CAMSAP1: variants seen among roughly 807,000 people sequenced by gnomAD.
CAMSAP1 encodes the protein calmodulin-regulated spectrin-associated protein 1.
CAMSAP1 carries 58 observed loss-of-function variants against 143.5 expected under a neutral mutation model. The observed-to-expected ratio is 0.40, with a 90% CI of 0.33 to 0.50. The LOEUF is 0.50. Among genes scored for constraint, CAMSAP1 ranks in the 20% least tolerant of loss-of-function variants. CAMSAP1 has a pLI of 0.45. For missense variants in CAMSAP1, 1,969 were observed against 2,115.7 expected (o/e 0.93, Z 1.36); for synonymous variants, 945 against 859.3 (o/e 1.10, Z -1.74).
In CAMSAP1 at chr9:135,882,232, C is replaced by T. The variant is rs1260767121; in HGVS notation, c.424-438G>A. On this transcript the variant is annotated intron_variant, in intron 2 of 16. Transcript: ENST00000389532. This position sits in a 1 kb window ranked among gnomAD's most constrained non-coding sequence, Gnocchi z 4.9. ...AGCTCTACCTGCTACAGCTGCACCACGCCTTAGTGCAGCTTCCTCATTCGA... is the reference window on the plus strand; with the variant it reads ...AGCTCTACCTGCTACAGCTGCACCATGCCTTAGTGCAGCTTCCTCATTCGA... 2.0e-5 allele frequency among the ~76,000 whole-genome samples: 3 copies of T among 152,144 alleles called. No homozygotes were observed. The highest frequency in any genetic ancestry group is 2.4e-5 in the African/African-American group (1 of 41,428).
At chr9:135,893,587 G>A (rs563718366) in intron 1 of CAMSAP1, among the ~76,000 whole-genome samples, 3 of 152,318 alleles carry the variant, frequency 2.0e-5, no homozygotes, top group Admixed American at 1.3e-4. Context: ...CTGTGCCACT[G>A]ACATGTAATT....
At chr9:135,865,686 T>A (rs944391659) in intron 4 of CAMSAP1, among the ~76,000 whole-genome samples, 1 of 152,166 alleles carries the variant, frequency 6.6e-6, no homozygotes, top group Non-Finnish European at 1.5e-5. Flanking sequence ...TGTACCCATG[T>A]GTTAAACATG....
rs993129594 is a variant in CAMSAP1 at position 135,880,048 on chromosome 9, T to G, written c.585+1585A>C. 1.0e-3 allele frequency among the ~76,000 whole-genome samples: 156 copies of G among 152,276 alleles called. 1 individual carries two copies. The highest frequency in any genetic ancestry group is 3.7e-3 in the African/African-American group (153 of 41,544). On this transcript the variant is annotated intron_variant, in intron 3 of 16. Coordinates refer to ENST00000389532, the MANE Select transcript of CAMSAP1 (RefSeq NM_015447.4). The stretch of plus-strand genomic sequence containing the variant: ...ATAGGTGATAAGATTACGGGTAATT[T>G]ACATTTTATTCTTTTTGTTCATCCA...
At chr9:135,857,102 C>T (rs141068110) in intron 5 of CAMSAP1, among the ~76,000 whole-genome samples, 1 of 152,338 alleles carries the variant, frequency 6.6e-6, no homozygotes, top group African/African-American at 2.4e-5. Context: ...CCAGGGGTTC[C>T]GGAGCTCATC....
chr9:135,888,985 C>T (rs73561606), intron 1 of CAMSAP1, among the ~76,000 whole-genome samples: 1 of 152,206 alleles, frequency 6.6e-6, no homozygotes, highest in Non-Finnish European at 1.5e-5. Context: ...TGGCTTCCAG[C>T]CAGAAGGCCA....
chr9:135,868,609 A>ATTTTTTTTTTTT (rs767495608), intron 3 of CAMSAP1, among the ~76,000 whole-genome samples: 10 of 93,476 alleles, frequency 1.1e-4, no homozygotes, highest in African/African-American at 1.4e-4. Context: ...GAGATTGGCA[A>ATTTTTTTTTTTT]TTTTTTTTTT....
At position 135,826,424 on chromosome 9, in the gene CAMSAP1, C is replaced by T. The variant is rs201848411; in HGVS notation, c.1223+983G>A. ...CCGCCCAACACAGAACACATCCAAA[C>T]CCCTCCCTCAGCTATGCCCCACCCC... On this transcript the variant is annotated intron_variant, in intron 8 of 16. Transcript: ENST00000389532. This position sits in a 1 kb window ranked among gnomAD's most constrained non-coding sequence, Gnocchi z 4.4. The T allele has an allele frequency of 2.3e-4, 35 of 152,426 alleles. 1 individual carries two copies. The East Asian group carries it at 6.6e-3, about 29-fold the overall frequency. 9.4% of individuals were successfully genotyped at this position (152,426 alleles called of 1,614,324 possible). A position where few individuals can be genotyped will look rare whatever the true frequency, so the allele number is the denominator to read the frequency against.
In CAMSAP1 at chr9:135,896,792, G is replaced by A. The variant is rs895640654; in HGVS notation, c.160+10208C>T. On this transcript the variant is annotated intron_variant, in intron 1 of 16. Transcript: ENST00000389532. Reference sequence around the variant, plus strand: ...TTTTCTGCCCCTGCAAAATTCACACGGCAACCTAATCCCCAATGTGGCAGT... The same window carrying A: ...TTTTCTGCCCCTGCAAAATTCACACAGCAACCTAATCCCCAATGTGGCAGT... Among the ~76,000 whole-genome samples, 9 of 152,300 alleles carry A rather than the reference G, an allele frequency of 5.9e-5. No individual in the cohort carries two copies. In the East Asian group the frequency reaches 7.7e-4, roughly 13 times the overall value.
intron 5 of CAMSAP1, among the ~76,000 whole-genome samples, chr9:135,854,700 C>G (rs143032812): frequency 6.6e-6 from 1 of 152,082 alleles, no homozygotes; most frequent in Non-Finnish European, 1.5e-5. Flanking sequence ...ATGATCCCCC[C>G]GCCTCAGCCT....
intron 1 of CAMSAP1, among the ~76,000 whole-genome samples, chr9:135,904,822 G>T (rs1293587374): frequency 6.6e-6 from 1 of 152,146 alleles, no homozygotes. Flanking sequence ...AAAACTGGCC[G>T]GGAGTGGGGG....
Position 135,823,175 on chromosome 9 carries a change from C to G in CAMSAP1, c.1486G>C (p.Ala496Pro). ...AAACTGTCTTTGCTGATGGAGCGGG[C>G]CAAGCTGATGCTGTCGCCAGAGCTG... ...DPSSGDSISLARSISKDSLAS... is the reference protein window; with the variant it reads ...DPSSGDSISLPRSISKDSLAS... Residue 496 changes from alanine to proline, a missense_variant, in exon 11 of 17, where the codon GCC (alanine) becomes CCC (proline). This residue lies in a region of CAMSAP1 where 1,390 missense variants were observed against 1,420.8 expected (regional missense o/e 0.98). Coordinates refer to ENST00000389532, the MANE Select transcript of CAMSAP1 (RefSeq NM_015447.4). 1.2e-6 allele frequency: 2 copies of G among 1,605,534 alleles called. No individual in the cohort carries two copies. Among genetic ancestry groups the G allele is most frequent in the Non-Finnish European group, 1.7e-6 (2 of 1,174,444 alleles).
intron 1 of CAMSAP1, among the ~76,000 whole-genome samples, chr9:135,902,262 T>C (rs370390166): frequency 1.8e-4 from 28 of 152,324 alleles, no homozygotes; most frequent in African/African-American, 6.0e-4. Flanking sequence ...GATTTAAATA[T>C]ACAATCTAAA....
chr9:135,879,847 C>T lies in CAMSAP1; in HGVS notation c.585+1786G>A, dbSNP rs1458537210. On this transcript the variant is annotated intron_variant, in intron 3 of 16. Transcript: ENST00000389532. Reference sequence around the variant, plus strand: ...AAGGGCCACAGGGGAGTCACTGGAACGGCTGAAATCAGATATCTGGCCAAT... The same window carrying T: ...AAGGGCCACAGGGGAGTCACTGGAATGGCTGAAATCAGATATCTGGCCAAT... 5.3e-5 allele frequency among the ~76,000 whole-genome samples: 8 copies of T among 151,838 alleles called. No homozygotes were observed. In the East Asian group the frequency reaches 5.9e-4, roughly 11 times the overall value.
intron 1 of CAMSAP1, among the ~76,000 whole-genome samples, chr9:135,885,507 G>A (rs1346019861): frequency 1.3e-5 from 2 of 152,180 alleles, no homozygotes; most frequent in Non-Finnish European, 2.9e-5. Context: ...CACGTAAGTG[G>A]AGGGCTGGCA....
intron 1 of CAMSAP1, among the ~76,000 whole-genome samples, chr9:135,893,488 T>G (rs1357015885): frequency 6.6e-6 from 1 of 152,118 alleles, no homozygotes; most frequent in Non-Finnish European, 1.5e-5. Context: ...TAAATTTAAC[T>G]TTATACAATG....
chr9:135,891,307 T>C (rs1040884096), intron 1 of CAMSAP1, among the ~76,000 whole-genome samples: 2 of 152,178 alleles, frequency 1.3e-5, no homozygotes, highest in Non-Finnish European at 2.9e-5. Flanking sequence ...AGCCCATCTT[T>C]CTAGGCAGAG....
At position 135,850,218 on chromosome 9, in the gene CAMSAP1, A is replaced by G. The variant is rs1836724387; in HGVS notation, c.964T>C (p.Phe322Leu). The change falls in exon 7 of 17, where the codon TTT (phenylalanine) becomes CTT (leucine). Residue 322 changes from phenylalanine to leucine, a missense_variant. By Grantham distance (22) the Phe-to-Leu change is conservative. Around this residue, in one of 4 missense-constraint regions of CAMSAP1, gnomAD observed 221 missense variants for 298.2 expected, o/e 0.74. Transcript: ENST00000389532. Reference sequence around the variant, plus strand: ...AACCACCAAAAAAGCTCCGCAATAAAAACCATAACATTCGGCTAAAAGACA... The same window carrying G: ...AACCACCAAAAAAGCTCCGCAATAAGAACCATAACATTCGGCTAAAAGACA... ...PLVLKPNVMV[F>L]IAELFWWFEN... The G allele has an allele frequency of 6.2e-7, 1 of 1,613,226 alleles. No homozygotes were observed. The highest frequency in any genetic ancestry group is 8.5e-7 in the Non-Finnish European group (1 of 1,179,628).
At chr9:135,896,493 T>A (rs1052942256) in intron 1 of CAMSAP1, among the ~76,000 whole-genome samples, 2 of 152,102 alleles carry the variant, frequency 1.3e-5, no homozygotes, top group African/African-American at 4.8e-5. Flanking sequence ...TCAACAAAGA[T>A]ATAAATCAGA....
rs939235276 is a variant in CAMSAP1, at chr9:135,824,277, T to C, written c.1316-243A>G. Among the ~76,000 whole-genome samples, 1 of 152,212 alleles carries C rather than the reference T, an allele frequency of 6.6e-6. No individual in the cohort carries two copies. The highest frequency in any genetic ancestry group is 2.4e-5 in the African/African-American group (1 of 41,456). On this transcript the variant is annotated intron_variant, in intron 9 of 16. Transcript: ENST00000389532. The surrounding 1 kb of genome is among the most constrained non-coding windows in gnomAD (Gnocchi z 4.1). ...TATGTCGCAGTTACTCTGTGTCTACTACACAGAAGGTAATTGCTCTCAACG... is the reference window on the plus strand; with the variant it reads ...TATGTCGCAGTTACTCTGTGTCTACCACACAGAAGGTAATTGCTCTCAACG...
Sources: allele counts gnomAD v4.1 joint callset (sites outside exome capture counted in the v4.1 genomes callset), GRCh38; gene constraint gnomAD v4.1.1; regional missense constraint gnomAD v4.1.1; non-coding constraint Gnocchi (gnomAD v3.1); transcripts MANE v1.5; gene names NCBI Gene and HGNC (gene_info 2026-07-23, HGNC 2026-07-21).